COL14A1: variants seen among roughly 807,000 people sequenced by gnomAD.
COL14A1 encodes the protein collagen type XIV alpha 1 chain, also known as collagen alpha-1(XIV) chain.
In COL14A1, 136 loss-of-function variants were observed where a neutral mutation model predicts 230.3. That is an observed-to-expected ratio of 0.59 (90% CI 0.51 to 0.68). The LOEUF (loss-of-function observed/expected upper bound fraction) is 0.68, where lower values mean the gene tolerates loss of function less well. Among genes scored for constraint, COL14A1 ranks in the 30% least tolerant of loss-of-function variants. The pLI, the probability that COL14A1 is intolerant of heterozygous loss-of-function variation, is 0.00. For missense variants in COL14A1, 1,976 were observed against 2,215.8 expected (o/e 0.89, Z 2.17); for synonymous variants, 792 against 784.1 (o/e 1.01, Z -0.17).
Position 120,300,750 on chromosome 8 carries a change from C to A in COL14A1, c.4333C>A (p.Pro1445Thr). 1 of 1,613,382 alleles carries A rather than the reference C, an allele frequency of 6.2e-7. No homozygotes were observed. The highest frequency in any genetic ancestry group is 8.5e-7 in the Non-Finnish European group (1 of 1,179,568). ...LPGLRDDESCPDLPHSCSCSE... is the reference protein window; with the variant it reads ...LPGLRDDESCTDLPHSCSCSE... ...TTTTCAGAGAGATGATGAGTCTTGC[C>A]CAGACCTTCCCCATTCCTGCTCCTG... Residue 1445 changes from proline (P) to threonine (T), a missense_variant, in exon 36 of 48, where the codon CCA becomes ACA. Pro to Thr is a conservative substitution (Grantham distance 38, BLOSUM62 -1). This residue lies in a region of COL14A1 where 1,791 missense variants were observed against 2,019.5 expected (regional missense o/e 0.89). Transcript: ENST00000297848.
chr8:120,273,418 G>A (rs1819734591), intron 26 of COL14A1, among the ~76,000 whole-genome samples: 1 of 151,670 alleles, frequency 6.6e-6, no homozygotes, highest in South Asian at 2.1e-4. Context: ...GCCAAAGCTA[G>A]CAGAAGAAAA....
At chr8:120,161,878 T>C (rs1250195068) in intron 3 of COL14A1, among the ~76,000 whole-genome samples, 1 of 152,180 alleles carries the variant, frequency 6.6e-6, no homozygotes, top group Non-Finnish European at 1.5e-5. Context: ...TTGGCCAGGC[T>C]GGTTTCAAAC....
In COL14A1 at chr8:120,207,011, A is replaced by C. The variant is rs1817456922; in HGVS notation, c.1108A>C (p.Met370Leu). Residue 370 changes from methionine (M) to leucine (L), a missense_variant, in exon 10 of 48, where the codon ATG becomes CTG. Transcript: ENST00000297848. The stretch of plus-strand genomic sequence containing the variant: ...TTCTGAAGTCACTGCCAGAAGCTTT[A>C]TGGTTAACTGGACTCATGCCCCAGG... ...ITSEVTARSFMVNWTHAPGNV... is the reference protein window; with the variant it reads ...ITSEVTARSFLVNWTHAPGNV... The C allele has an allele frequency of 6.2e-7, 1 of 1,613,788 alleles. No individual in the cohort carries two copies. The highest frequency in any genetic ancestry group is 1.3e-5 in the African/African-American group (1 of 74,884).
At position 120,371,019 on chromosome 8, in the gene COL14A1, G is replaced by T. The variant is rs746872117; in HGVS notation, c.5312-133G>T. 4 of 1,032,774 alleles carry T rather than the reference G, an allele frequency of 3.9e-6. No individual in the cohort carries two copies. The East Asian group carries it at 9.8e-5, about 25-fold the overall frequency. The allele number at this position is 1,032,774 out of a possible 1,614,324, so 64.0% of individuals were successfully genotyped here. ...ACCTTATGGGGAAGGTACAAGGGGCGTGGTGGATTAAGACATCCACTGCTT... is the reference window on the plus strand; with the variant it reads ...ACCTTATGGGGAAGGTACAAGGGGCTTGGTGGATTAAGACATCCACTGCTT... On this transcript the variant is annotated intron_variant, in intron 47 of 47. Transcript: ENST00000297848.
At chr8:120,262,686 A>G (rs1484391122) in intron 23 of COL14A1, among the ~76,000 whole-genome samples, 182 bp from the exon 24 acceptor site, 1 of 152,208 alleles carries the variant, frequency 6.6e-6, no homozygotes, top group Non-Finnish European at 1.5e-5. Flanking sequence ...CCATAGAAAA[A>G]TACCAGTGAA....
At chr8:120,305,307 G>A (rs961934963) in intron 36 of COL14A1, among the ~76,000 whole-genome samples, 9 of 152,048 alleles carry the variant, frequency 5.9e-5, no homozygotes, top group Admixed American at 2.0e-4. Context: ...CATTTCAGAT[G>A]TCAGAAATAA....
chr8:120,264,399 T>C (rs1379896054), intron 24 of COL14A1, among the ~76,000 whole-genome samples: 1 of 152,188 alleles, frequency 6.6e-6, no homozygotes, highest in Non-Finnish European at 1.5e-5. Context: ...TCAAATGGTT[T>C]GTTTGAAGAT....
intron 1 of COL14A1, among the ~76,000 whole-genome samples, chr8:120,135,444 T>C (rs1814677482): frequency 6.6e-6 from 1 of 152,118 alleles, no homozygotes; most frequent in Non-Finnish European, 1.5e-5. Flanking sequence ...TTTGTATTTT[T>C]AGTAGAGATG....
chr8:120,243,814 G>A (rs1586798300), intron 19 of COL14A1, 65 bp from the exon 20 acceptor site: 2 of 1,550,942 alleles, frequency 1.3e-6, no homozygotes, highest in Non-Finnish European at 1.8e-6. Flanking sequence ...ATAAAGTTAT[G>A]CTCCATTACC....
rs559772258 is a variant in COL14A1 at position 120,372,903 on chromosome 8, A to G, written c.*1672A>G. ...AATGAAAGAAGATAATGAGCAGATA[A>G]TCAGCAGCCATTTCCTTTCAGTTAT... is the stretch of plus-strand genomic sequence containing the variant. On this transcript the variant is annotated 3_prime_UTR_variant, in exon 48 of 48. Coordinates refer to ENST00000297848, the MANE Select transcript of COL14A1 (RefSeq NM_021110.4). Among the ~76,000 whole-genome samples the G allele has an allele frequency of 6.6e-6, 1 of 152,236 alleles. No homozygotes were observed. Among genetic ancestry groups the G allele is most frequent in the South Asian group, 2.1e-4 (1 of 4,810 alleles).
At chr8:120,339,761 G>A (rs894792882) in intron 42 of COL14A1, among the ~76,000 whole-genome samples, 1 of 152,058 alleles carries the variant, frequency 6.6e-6, no homozygotes, top group Non-Finnish European at 1.5e-5. Flanking sequence ...TGTTGGCCAG[G>A]TGCAGTGGCT....
intron 45 of COL14A1, among the ~76,000 whole-genome samples, chr8:120,359,666 A>G (rs1043948408): frequency 1.3e-5 from 2 of 152,224 alleles, no homozygotes; most frequent in African/African-American, 4.8e-5. Flanking sequence ...TTGTAGCAGA[A>G]AGTAATAGAT....
chr8:120,169,352 G>A (rs983535317), intron 5 of COL14A1, among the ~76,000 whole-genome samples: 4 of 152,050 alleles, frequency 2.6e-5, no homozygotes, highest in African/African-American at 9.7e-5. Flanking sequence ...TTAACGATAT[G>A]TAACAGGAAT....
intron 4 of COL14A1, among the ~76,000 whole-genome samples, chr8:120,166,875 A>AGTGTGTGTGTGTGTGTGTGT (rs4053270): frequency 2.1e-4 from 25 of 117,064 alleles, no homozygotes; most frequent in South Asian, 6.8e-4. Context: ...AAAGAATTTA[A>AGTGTGTGTGTGTGTGTGTGT]GTGTGTGTGT....
intron 26 of COL14A1, chr8:120,277,895 A>G: frequency 3.4e-6 from 1 of 296,582 alleles, no homozygotes; most frequent in Non-Finnish European, 6.2e-6. Flanking sequence ...TACACAATGT[A>G]CCCTCTGAAT....
At chr8:120,202,700 T>C (rs2130732054) in intron 8 of COL14A1, among the ~76,000 whole-genome samples, 1 of 152,144 alleles carries the variant, frequency 6.6e-6, no homozygotes, top group Non-Finnish European at 1.5e-5. Context: ...AAAGGTGTTA[T>C]TATATGGAAA....
intron 22 of COL14A1, among the ~76,000 whole-genome samples, chr8:120,251,256 C>A (rs184797734): frequency 1.4e-4 from 22 of 152,256 alleles, no homozygotes; most frequent in Non-Finnish European, 2.2e-4. Flanking sequence ...ACCTGGCTTT[C>A]AAATAGACTT....
In COL14A1 at chr8:120,199,438, A is replaced by T; in HGVS notation, c.749A>T (p.Lys250Ile). 1 of 1,607,626 alleles carries T rather than the reference A, an allele frequency of 6.2e-7. No individual in the cohort carries two copies. The highest frequency in any genetic ancestry group is 8.5e-7 in the Non-Finnish European group (1 of 1,178,206). ...AACTACATTTTTGAAAATAGCTTCA[A>T]ACCAGAAGCAGGATCAAGGACTGGA... ...ALNYIFENSF[K>I]PEAGSRTGVS... is the part of the protein sequence containing the mutation. The change falls in exon 8 of 48, where the codon AAA becomes ATA. Residue 250 changes from lysine to isoleucine, a missense_variant. Transcript: ENST00000297848.
At chr8:120,199,667 C>A in intron 8 of COL14A1, 101 bp downstream of exon 8, 1 of 1,251,984 alleles carries the variant, frequency 8.0e-7, no homozygotes, top group Non-Finnish European at 1.1e-6. Context: ...GCCAGGAGAC[C>A]TGAGCACTTT....
Sources: allele counts gnomAD v4.1 joint callset (sites outside exome capture counted in the v4.1 genomes callset), GRCh38; gene constraint gnomAD v4.1.1; regional missense constraint gnomAD v4.1.1; transcripts MANE v1.5; gene names NCBI Gene and HGNC (gene_info 2026-07-23, HGNC 2026-07-21).